Variants in TTLL11 observed in about 807,000 individuals in gnomAD.
The protein encoded by TTLL11 is tubulin polyglutamylase TTLL11.
TTLL11 carries 42 observed loss-of-function variants against 51.7 expected under a neutral mutation model. The observed-to-expected ratio is 0.81, with a 90% CI of 0.64 to 1.05. The LOEUF is 1.05. TTLL11 is among the 50% of genes least tolerant of loss of function. The pLI, the probability that TTLL11 is intolerant of heterozygous loss-of-function variation, is 0.00. For synonymous variants in TTLL11, 381 were observed against 383.5 expected (o/e 0.99, Z 0.08); for missense variants, 799 against 940.4 (o/e 0.85, Z 1.97).
At chr9:121,965,746 C>T (rs1471020717) in intron 6 of TTLL11, among the ~76,000 whole-genome samples, 1 of 152,180 alleles carries the variant, frequency 6.6e-6, no homozygotes, top group African/African-American at 2.4e-5. Context: ...GTTAAGAACT[C>T]CTCTTCGTTA....
intron 1 of TTLL11, among the ~76,000 whole-genome samples, chr9:122,089,920 G>A (rs374029909): frequency 6.6e-5 from 10 of 152,152 alleles, no homozygotes; most frequent in Admixed American, 2.6e-4. Context: ...TCCCAAGTAG[G>A]TGGAATTACA....
intron 3 of TTLL11, among the ~76,000 whole-genome samples, chr9:122,019,751 C>A (rs891915694): frequency 6.6e-6 from 1 of 152,172 alleles, no homozygotes; most frequent in African/African-American, 2.4e-5. Flanking sequence ...TTGGCTGTGT[C>A]CCCACCCAAA....
intron 8 of TTLL11, among the ~76,000 whole-genome samples, chr9:121,845,462 A>C (rs1172013430): frequency 6.6e-6 from 1 of 152,208 alleles, no homozygotes; most frequent in African/African-American, 2.4e-5. Flanking sequence ...AGATCTACAT[A>C]AAGAAAGGAA....
chr9:121,934,342 A>C (rs1307949843), intron 6 of TTLL11, among the ~76,000 whole-genome samples: 1 of 152,176 alleles, frequency 6.6e-6, no homozygotes, highest in Non-Finnish European at 1.5e-5. Context: ...ACACTTGGAA[A>C]ATACTGATTT....
rs116302163 is a variant in TTLL11 at position 122,020,126 on chromosome 9, C to A, written c.693+11597G>T. Among the ~76,000 whole-genome samples the A allele has an allele frequency of 2.9e-3, 447 of 152,298 alleles. 5 individuals carry two copies. The highest frequency in any genetic ancestry group is 0.01 in the African/African-American group (430 of 41,572). Reference sequence around the variant, plus strand: ...TAAGCCGCCATGCCTGCCCTAAATCCTTTTCTCTTAAACTTTAGTGACTCC... The same window carrying A: ...TAAGCCGCCATGCCTGCCCTAAATCATTTTCTCTTAAACTTTAGTGACTCC... On this transcript the variant is annotated intron_variant, in intron 3 of 8. Transcript: ENST00000321582.
intron 6 of TTLL11, among the ~76,000 whole-genome samples, chr9:121,909,571 C>T (rs549019755): frequency 1.7e-3 from 255 of 152,278 alleles, no homozygotes; most frequent in African/African-American, 5.8e-3. Context: ...TTCCTACATT[C>T]GTCCTCCTTT....
chr9:121,979,460 C>A (rs1479818123), intron 4 of TTLL11, among the ~76,000 whole-genome samples: 3 of 152,186 alleles, frequency 2.0e-5, no homozygotes, highest in African/African-American at 4.8e-5. Context: ...ATAACAAATA[C>A]ACCATATTTT....
intron 1 of TTLL11, among the ~76,000 whole-genome samples, chr9:122,044,723 T>C (rs1212223554): frequency 6.6e-6 from 1 of 152,146 alleles, no homozygotes; most frequent in African/African-American, 2.4e-5. Flanking sequence ...TAATGGCCAA[T>C]GAGCATATGA....
intron 4 of TTLL11, among the ~76,000 whole-genome samples, chr9:121,976,392 C>T (rs1842709145): frequency 6.6e-6 from 1 of 152,152 alleles, no homozygotes; most frequent in Admixed American, 6.5e-5. Context: ...GATCGCTGCC[C>T]CTAATGAGAT....
chr9:122,040,389 T>C, intron 1 of TTLL11: 2 of 984,200 alleles, frequency 2.0e-6, no homozygotes, highest in Non-Finnish European at 2.4e-6. Flanking sequence ...CAAAAGGGCC[T>C]GTTCTTTCCA....
chr9:121,850,356 C>T (rs1837632479), intron 8 of TTLL11, among the ~76,000 whole-genome samples: 1 of 151,780 alleles, frequency 6.6e-6, no homozygotes, highest in Non-Finnish European at 1.5e-5. Flanking sequence ...TGATGGCCCA[C>T]GAACAAGAGA....
chr9:121,914,133 T>A (rs7035606), intron 6 of TTLL11, among the ~76,000 whole-genome samples: 136,990 of 152,276 alleles, frequency 0.9, 61,740 homozygotes, highest in East Asian at 1. Flanking sequence ...CCATAGTATA[T>A]GAAGGAGTTG....
chr9:121,961,919 G>A (rs1397126833), intron 6 of TTLL11, among the ~76,000 whole-genome samples: 2 of 152,138 alleles, frequency 1.3e-5, no homozygotes, highest in Admixed American at 6.5e-5. Flanking sequence ...AGCCAGGCGT[G>A]GTGGTGGGTG....
In TTLL11 at chr9:121,853,659, C is replaced by G. The variant is rs1367253629; in HGVS notation, c.1840+6678G>C. Among the ~76,000 whole-genome samples, 1 of 152,178 alleles carries G rather than the reference C, an allele frequency of 6.6e-6. No homozygotes were observed. Among genetic ancestry groups the G allele is most frequent in the Non-Finnish European group, 1.5e-5 (1 of 68,018 alleles). The stretch of plus-strand genomic sequence containing the variant: ...GGCACAGGCCTGTAAGTGATGGGAG[C>G]AGGCAGGGCTCCTGCTTCACACAGC... On this transcript the variant is annotated intron_variant, in intron 8 of 8. Transcript: ENST00000321582. The surrounding 1 kb of genome is among the most constrained non-coding windows in gnomAD (Gnocchi z 5.6).
intron 6 of TTLL11, among the ~76,000 whole-genome samples, chr9:121,889,000 G>C (rs368233712): frequency 3.9e-5 from 6 of 152,220 alleles, no homozygotes; most frequent in African/African-American, 1.4e-4. Context: ...AAATGCTAGA[G>C]CATGGATTTT....
chr9:121,834,413 G>A (rs1239386835), intron 8 of TTLL11, among the ~76,000 whole-genome samples: 2 of 151,776 alleles, frequency 1.3e-5, no homozygotes, highest in Non-Finnish European at 2.9e-5. Context: ...GCCTGTCAAG[G>A]CATTTTACTT....
At chr9:121,998,512 C>G (rs1843357648) in intron 3 of TTLL11, among the ~76,000 whole-genome samples, 4 of 151,976 alleles carry the variant, frequency 2.6e-5, no homozygotes, top group Non-Finnish European at 4.4e-5. Context: ...TCTCAAACTC[C>G]TGACCTCAAG....
intron 8 of TTLL11, among the ~76,000 whole-genome samples, chr9:121,845,807 T>C (rs369929282): frequency 9.9e-5 from 15 of 152,278 alleles, no homozygotes; most frequent in African/African-American, 3.1e-4. Context: ...AGTGGAATTA[T>C]ACAAAATTCT....
chr9:122,066,188 G>GTGTTGTTGTTGT (rs59290623), intron 1 of TTLL11, among the ~76,000 whole-genome samples: 7 of 149,052 alleles, frequency 4.7e-5, no homozygotes, highest in African/African-American at 1.8e-4. Context: ...GGGGAGCAGA[G>GTGTTGTTGTTGT]TGTTGTTGTT....
Sources: gnomAD v4.1 joint callset for allele counts (sites outside exome capture counted in the v4.1 genomes callset) on GRCh38, gnomAD v4.1.1 for gene constraint, Gnocchi (gnomAD v3.1) non-coding constraint, MANE v1.5 for transcripts, NCBI Gene and HGNC (gene_info 2026-07-23, HGNC 2026-07-21) for gene names.